ATP1A1: variants seen among roughly 807,000 people sequenced by gnomAD.
ATP1A1 encodes the protein ATPase Na+/K+ transporting subunit alpha 1.
ATP1A1 carries 14 observed loss-of-function variants against 114.8 expected under a neutral mutation model. The ratio of observed to expected loss-of-function variants is 0.12; its 90% CI spans 0.08 to 0.19. ATP1A1 has a LOEUF of 0.19. Ranked by LOEUF, ATP1A1 falls within the 10% of genes least tolerant of loss-of-function variation. The pLI, the probability that ATP1A1 is intolerant of heterozygous loss-of-function variation, is 1.00. For missense variants in ATP1A1, 524 were observed against 1,290.7 expected, an observed-to-expected ratio of 0.41 and a Z score of 9.10; for synonymous variants, 471 against 466.3, an observed-to-expected ratio of 1.01 and a Z score of -0.13.
At chr1:116,375,249 A>G (rs1267068184) in intron 1 of ATP1A1, among the ~76,000 whole-genome samples, 1 of 152,268 alleles carries the variant, frequency 6.6e-6, no homozygotes, top group Non-Finnish European at 1.5e-5. Context: ...GGCTAGTGAC[A>G]GACTAGGCGT....
In ATP1A1 at chr1:116,390,782, G is replaced by C; in HGVS notation, c.1223G>C (p.Gly408Ala). 6.2e-7 allele frequency: 1 copy of C among 1,613,574 alleles called. No homozygotes were observed. The highest frequency in any genetic ancestry group is 8.5e-7 in the Non-Finnish European group (1 of 1,179,542). Reference protein sequence around the residue: ...HEADTTENQSGVSFDKTSATW... With the variant: ...HEADTTENQSAVSFDKTSATW... ...TGTTGTGTTTTCTTGCCTCCATCAGGTGTCTCTTTTGACAAGACTTCAGCT... is the reference window on the plus strand; with the variant it reads ...TGTTGTGTTTTCTTGCCTCCATCAGCTGTCTCTTTTGACAAGACTTCAGCT... Residue 408 changes from glycine (G) to alanine (A), a missense_variant and splice_region_variant, in exon 10 of 23, where the codon GGT (glycine) becomes GCT (alanine). Gly to Ala is a moderately conservative substitution (Grantham distance 60). Coordinates refer to ENST00000295598, the MANE Select transcript of ATP1A1 (RefSeq NM_000701.8).
At chr1:116,396,876 G>A in intron 14 of ATP1A1, 142 bp downstream of exon 14, 3 of 1,084,452 alleles carry the variant, frequency 2.8e-6, no homozygotes, top group Non-Finnish European at 3.7e-6. Flanking sequence ...AAGCAACCTT[G>A]TCATTCCTAA....
chr1:116,384,627 C>A lies in ATP1A1; in HGVS notation c.124-156C>A, dbSNP rs1248940300. 6.6e-6 allele frequency among the ~76,000 whole-genome samples: 1 copy of A among 152,226 alleles called. No homozygotes were observed. Among genetic ancestry groups the A allele is most frequent in the Non-Finnish European group, 1.5e-5 (1 of 68,044 alleles). ...TGATAACTGTGTGGTTGCAAAGCCA[C>A]AAAGCGATGGTGAAAATTGTACCAA... On this transcript the variant is annotated intron_variant, in intron 2 of 22. Coordinates refer to ENST00000295598, the MANE Select transcript of ATP1A1 (RefSeq NM_000701.8). This position sits in a 1 kb window ranked among gnomAD's most constrained non-coding sequence, Gnocchi z 5.1.
rs59727583 is a variant in ATP1A1 at position 116,386,426 on chromosome 1, C to T, written c.184-862C>T. 8.7e-4 allele frequency among the ~76,000 whole-genome samples: 132 copies of T among 152,286 alleles called. 1 individual carries two copies. The highest frequency in any genetic ancestry group is 3.1e-3 in the African/African-American group (129 of 41,550). On this transcript the variant is annotated intron_variant, in intron 3 of 22. Coordinates refer to ENST00000295598, the MANE Select transcript of ATP1A1 (RefSeq NM_000701.8). ...TTAATAATGCCTAAAAAAGGATTGTCATGAGAATTAAACAAGTTAATTAAA... is the reference window on the plus strand; with the variant it reads ...TTAATAATGCCTAAAAAAGGATTGTTATGAGAATTAAACAAGTTAATTAAA...
rs763923777 is a variant in ATP1A1 at position 116,384,850 on chromosome 1, C to G, written c.183+8C>G. Reference sequence around the variant, plus strand: ...GGAACAGACTTGAGCCGGGTATGTTCTAGTTTGAAAGCTGTTGTACAAAAT... The same window carrying G: ...GGAACAGACTTGAGCCGGGTATGTTGTAGTTTGAAAGCTGTTGTACAAAAT... On this transcript the variant is annotated splice_region_variant and intron_variant, in intron 3 of 22. Coordinates refer to ENST00000295598, the MANE Select transcript of ATP1A1 (RefSeq NM_000701.8). This position sits in a 1 kb window ranked among gnomAD's most constrained non-coding sequence, Gnocchi z 5.1. 9.9e-6 allele frequency: 16 copies of G among 1,613,228 alleles called. No homozygotes were observed. Among genetic ancestry groups the G allele is most frequent in the African/African-American group, 2.7e-5 (2 of 74,866 alleles).
In ATP1A1 at chr1:116,384,989, T is replaced by A. The variant is rs1651990495; in HGVS notation, c.183+147T>A. The A allele has an allele frequency of 2.6e-6, 2 of 756,454 alleles. No homozygotes were observed. Among genetic ancestry groups the A allele is most frequent in the Non-Finnish European group, 4.4e-6 (2 of 454,904 alleles). 46.9% of individuals were successfully genotyped at this position (756,454 alleles called of 1,614,324 possible). A position where few individuals can be genotyped will look rare whatever the true frequency, so the allele number is the denominator to read the frequency against. On this transcript the variant is annotated intron_variant, in intron 3 of 22. Coordinates refer to ENST00000295598, the MANE Select transcript of ATP1A1 (RefSeq NM_000701.8). The surrounding 1 kb of genome is among the most constrained non-coding windows in gnomAD (Gnocchi z 5.1). ...TATCTACCATGTGACATGCACAGAATTTGGGCATTTATATGCTACCGTTTC... is the reference window on the plus strand; with the variant it reads ...TATCTACCATGTGACATGCACAGAAATTGGGCATTTATATGCTACCGTTTC...
In ATP1A1 at chr1:116,387,323, G is replaced by T; in HGVS notation, c.219G>T (p.Ala73=). 6.2e-7 allele frequency: 1 copy of T among 1,614,138 alleles called. No individual in the cohort carries two copies. Among genetic ancestry groups the T allele is most frequent in the Non-Finnish European group, 8.5e-7 (1 of 1,180,016 alleles). Residue 73 remains alanine (A), a synonymous_variant, in exon 4 of 23, where the codon GCG becomes GCT. Transcript: ENST00000295598. The surrounding 1 kb of genome is among the most constrained non-coding windows in gnomAD (Gnocchi z 6.7). The part of the protein sequence containing the change: ...LTSARAAEIL[A]RDGPNALTPP... ...CTGCTCGTGCAGCTGAGATCCTGGC[G>T]CGAGATGGTCCCAACGCCCTCACTC...
chr1:116,373,644 T>G, intron 1 of ATP1A1, 121 bp downstream of exon 1: 4 of 1,019,258 alleles, frequency 3.9e-6, no homozygotes, highest in Non-Finnish European at 3.8e-6. Flanking sequence ...CCGCGTGGAG[T>G]GGGCTGGCAG....
At position 116,390,247 on chromosome 1, in the gene ATP1A1, G is replaced by A. The variant is rs771268719; in HGVS notation, c.1058G>A (p.Arg353Lys). 3 of 1,614,138 alleles carry A rather than the reference G, an allele frequency of 1.9e-6. No individual in the cohort carries two copies. The highest frequency in any genetic ancestry group is 2.5e-6 in the Non-Finnish European group (3 of 1,180,030). Residue 353 changes from arginine to lysine, a missense_variant, in exon 9 of 23, where the codon AGG becomes AAG. By Grantham distance (26) the Arg-to-Lys change is conservative. Around this residue, in one of 8 missense-constraint regions of ATP1A1, gnomAD observed 28 missense variants for 131.8 expected, o/e 0.21. Coordinates refer to ENST00000295598, the MANE Select transcript of ATP1A1 (RefSeq NM_000701.8). ...ACACTTACTGCCAAACGCATGGCAA[G>A]GAAAAACTGCTTAGTGAAGAACTTA... ...CLTLTAKRMARKNCLVKNLEA... is the reference protein window; with the variant it reads ...CLTLTAKRMAKKNCLVKNLEA...
At chr1:116,382,401 AC>A (rs1651807963) in intron 1 of ATP1A1, 1 of 152,110 alleles carries the variant, frequency 6.6e-6, no homozygotes, top group African/African-American at 2.4e-5. Flanking sequence ...TTTCATTTAA[AC>A]TCTGGCACCA....
intron 10 of ATP1A1, 134 bp downstream of exon 10, chr1:116,391,025 T>C (rs770791762): frequency 4.0e-4 from 280 of 691,566 alleles, no homozygotes; most frequent in Non-Finnish European, 6.2e-4. Flanking sequence ...GTCTGTGCAG[T>C]ACTTTGCTGT....
At position 116,395,210 on chromosome 1, in the gene ATP1A1, G is replaced by A. The variant is rs1214173204; in HGVS notation, c.1761G>A (p.Gly587=). 6.2e-7 allele frequency: 1 copy of A among 1,614,092 alleles called. No individual in the cohort carries two copies. Among genetic ancestry groups the A allele is most frequent in the Non-Finnish European group, 8.5e-7 (1 of 1,180,014 alleles). Residue 587 remains glycine, a synonymous_variant, in exon 13 of 23, where the codon GGG becomes GGA. Transcript: ENST00000295598. This position sits in a 1 kb window ranked among gnomAD's most constrained non-coding sequence, Gnocchi z 6.4. ...NFPIDNLCFV[G]LISMIDPPRA... is the part of the protein sequence containing the mutation. ...CTATCGATAATCTGTGCTTTGTTGG[G>A]CTCATCTCCATGATTGACCCTCCAC... is the stretch of plus-strand genomic sequence containing the variant.
In ATP1A1 at chr1:116,393,856, C is replaced by G; in HGVS notation, c.1660+133C>G. ...TTCCTCTACATCTTTTAGGGGCAATCCTCCTATTTGTTTATTTGCCCCCTA... is the reference window on the plus strand; with the variant it reads ...TTCCTCTACATCTTTTAGGGGCAATGCTCCTATTTGTTTATTTGCCCCCTA... On this transcript the variant is annotated intron_variant, in intron 12 of 22. Transcript: ENST00000295598. This position sits in a 1 kb window ranked among gnomAD's most constrained non-coding sequence, Gnocchi z 5.0. The G allele has an allele frequency of 1.1e-6, 1 of 882,082 alleles. No homozygotes were observed. Among genetic ancestry groups the G allele is most frequent in the South Asian group, 2.0e-5 (1 of 50,560 alleles). 54.6% of individuals were successfully genotyped at this position (882,082 alleles called of 1,614,324 possible). A position where few individuals can be genotyped will look rare whatever the true frequency, so the allele number is the denominator to read the frequency against.
chr1:116,379,383 ACTGCTGCTCCTGCAGTGAT>A (rs1651590717), intron 1 of ATP1A1, among the ~76,000 whole-genome samples: 1 of 152,222 alleles, frequency 6.6e-6, no homozygotes, highest in African/African-American at 2.4e-5. Flanking sequence ...TCTGCAGAGA[ACTGCTGCTCCTGCAGTGAT>A]GTGCTGCTGC....
In ATP1A1 at chr1:116,390,620, C is replaced by G. The variant is rs74111868; in HGVS notation, c.1223-162C>G. The stretch of plus-strand genomic sequence containing the variant: ...ATGTCAGTAGAAACTTTAAATTGCC[C>G]TACAAACGTGACTGAAGAATGCCTA... On this transcript the variant is annotated intron_variant, in intron 9 of 22. Transcript: ENST00000295598. Among the ~76,000 whole-genome samples, 338 of 150,306 alleles carry G rather than the reference C, an allele frequency of 2.2e-3. 1 individual carries two copies. Among genetic ancestry groups the G allele is most frequent in the African/African-American group, 8.1e-3 (327 of 40,364 alleles).
At position 116,398,553 on chromosome 1, in the gene ATP1A1, T is replaced by C; in HGVS notation, c.2125-68T>C. The C allele has an allele frequency of 1.3e-6, 2 of 1,545,488 alleles. No individual in the cohort carries two copies. The highest frequency in any genetic ancestry group is 1.8e-6 in the Non-Finnish European group (2 of 1,135,304). ...CTGTAATGAGTGCTCAGTGGGGGCATGCATCGCACTATTTCCATCGCTAGG... is the reference window on the plus strand; with the variant it reads ...CTGTAATGAGTGCTCAGTGGGGGCACGCATCGCACTATTTCCATCGCTAGG... On this transcript the variant is annotated intron_variant, in intron 15 of 22. Transcript: ENST00000295598. This position sits in a 1 kb window ranked among gnomAD's most constrained non-coding sequence, Gnocchi z 6.1.
intron 21 of ATP1A1, among the ~76,000 whole-genome samples, chr1:116,402,766 G>A (rs546580538): frequency 6.2e-4 from 95 of 152,304 alleles, no homozygotes; most frequent in African/African-American, 2.0e-3. Flanking sequence ...CTTCAGGGCC[G>A]GTTTCCTTGG....
At chr1:116,376,609 G>T (rs555837389) in intron 1 of ATP1A1, among the ~76,000 whole-genome samples, 5 of 152,256 alleles carry the variant, frequency 3.3e-5, no homozygotes, top group African/African-American at 7.2e-5. Context: ...TTATAAGGGT[G>T]TATCCCCTTT....
At position 116,397,360 on chromosome 1, in the gene ATP1A1, TC is replaced by T. The variant is rs760268312; in HGVS notation, c.1974-525del. ...TCTTTGATGGAGTCTCGCTCTGTCA[TC>T]CCGGTTGGAGTGCAGTGTCATGATC... On this transcript the variant is annotated intron_variant, in intron 14 of 22. Transcript: ENST00000295598. The surrounding 1 kb of genome is among the most constrained non-coding windows in gnomAD (Gnocchi z 4.2). Among the ~76,000 whole-genome samples, 8 of 152,268 alleles carry T rather than the reference TC, an allele frequency of 5.3e-5. No individual in the cohort carries two copies. Among genetic ancestry groups the T allele is most frequent in the Middle Eastern group, 3.4e-3 (1 of 294 alleles).
Sources: gnomAD v4.1 joint callset for allele counts (sites outside exome capture counted in the v4.1 genomes callset) on GRCh38, gnomAD v4.1.1 for gene constraint, gnomAD v4.1.1 regional missense constraint, Gnocchi (gnomAD v3.1) non-coding constraint, MANE v1.5 for transcripts, NCBI Gene and HGNC (gene_info 2026-07-23, HGNC 2026-07-21) for gene names.